Variants in RGS6 observed in about 807,000 individuals in gnomAD.
RGS6 encodes regulator of G-protein signaling 6.
RGS6 carries 30 observed loss-of-function variants against 78.5 expected under a neutral mutation model. That is an observed-to-expected ratio of 0.38 (90% confidence interval 0.29 to 0.52). The LOEUF is 0.52. Among genes scored for constraint, RGS6 ranks in the 20% least tolerant of loss-of-function variants. The probability of loss-of-function intolerance (pLI) is 0.85; values close to 1 mark genes in which losing one functional copy is unlikely to be tolerated. For missense variants in RGS6, 495 were observed against 609.7 expected, an observed-to-expected ratio of 0.81 and a Z score of 1.98; for synonymous variants, 206 against 206.0, an observed-to-expected ratio of 1.00 and a Z score of 0.00.
intron 2 of RGS6, among the ~76,000 whole-genome samples, chr14:72,225,163 T>G (rs935591970): frequency 6.6e-6 from 1 of 152,326 alleles, no homozygotes; most frequent in East Asian, 1.9e-4. Flanking sequence ...TGGGTCGGGC[T>G]TAGCCTTTAT....
At chr14:72,397,912 T>C (rs1267030892) in intron 3 of RGS6, among the ~76,000 whole-genome samples, 1 of 152,242 alleles carries the variant, frequency 6.6e-6, no homozygotes, top group Admixed American at 6.5e-5. Context: ...CACTTGATTA[T>C]GGTGGATAAG....
intron 8 of RGS6, among the ~76,000 whole-genome samples, chr14:72,472,172 G>GAA (rs5809575): frequency 0.06 from 8,539 of 141,396 alleles, 795 homozygotes; most frequent in African/African-American, 0.21. Flanking sequence ...GCTTTTTTAA[G>GAA]AAAAAAAAAA....
At chr14:72,277,512 G>A (rs10132306) in intron 2 of RGS6, among the ~76,000 whole-genome samples, 1 of 152,012 alleles carries the variant, frequency 6.6e-6, no homozygotes, top group Admixed American at 6.6e-5. Flanking sequence ...CAGAAGAATT[G>A]CTTGAACTAG....
At chr14:72,052,925 T>TTTTTTTTCTTTC (rs2093340839) in intron 2 of RGS6, among the ~76,000 whole-genome samples, 1 of 120,330 alleles carries the variant, frequency 8.3e-6, no homozygotes. Context: ...TTCATTGTAT[T>TTTTTTTTCTTTC]TTTCTTTCTT....
chr14:72,126,242 G>A (rs2153580209), intron 2 of RGS6, among the ~76,000 whole-genome samples: 1 of 152,346 alleles, frequency 6.6e-6, no homozygotes, highest in Non-Finnish European at 1.5e-5. Flanking sequence ...AAATCTGCGG[G>A]AAGTTTGCCA....
At chr14:72,374,548 T>A (rs965485026) in intron 3 of RGS6, among the ~76,000 whole-genome samples, 6 of 152,204 alleles carry the variant, frequency 3.9e-5, no homozygotes, top group Admixed American at 6.5e-5. Context: ...TCTATTTCAG[T>A]ACTGCCCCCA....
chr14:72,418,793 A>G (rs2093994641), intron 3 of RGS6, among the ~76,000 whole-genome samples: 1 of 152,230 alleles, frequency 6.6e-6, no homozygotes. Flanking sequence ...GAGAGGATGC[A>G]TGTCACAAGT....
At chr14:72,001,627 T>C (rs1406416365) in intron 2 of RGS6, among the ~76,000 whole-genome samples, 1 of 152,138 alleles carries the variant, frequency 6.6e-6, no homozygotes, top group Non-Finnish European at 1.5e-5. Flanking sequence ...TATTCTCTTA[T>C]TTTCTTTTAC....
At chr14:71,946,235 A>T (rs150797086) in intron 1 of RGS6, among the ~76,000 whole-genome samples, 40 of 152,138 alleles carry the variant, frequency 2.6e-4, no homozygotes, top group Non-Finnish European at 5.6e-4. Context: ...AAGTAGCTGA[A>T]CTCTCTTGAT....
chr14:72,400,494 A>G (rs1375207913), intron 3 of RGS6, among the ~76,000 whole-genome samples: 2 of 152,314 alleles, frequency 1.3e-5, no homozygotes, highest in South Asian at 2.1e-4. Context: ...TGTGTAAGGC[A>G]CCTTCAAGGT....
intron 2 of RGS6, among the ~76,000 whole-genome samples, chr14:72,330,064 A>G (rs2074655231): frequency 6.6e-6 from 1 of 152,222 alleles, no homozygotes; most frequent in Non-Finnish European, 1.5e-5. Context: ...TTCACAGTCA[A>G]CGTTAGTGAG....
intron 2 of RGS6, among the ~76,000 whole-genome samples, chr14:72,192,755 C>A (rs932772083): frequency 6.6e-6 from 1 of 152,132 alleles, no homozygotes; most frequent in African/African-American, 2.4e-5. Flanking sequence ...TTCTTTCTTT[C>A]GTTCACTGTC....
intron 3 of RGS6, among the ~76,000 whole-genome samples, chr14:72,374,960 T>C (rs148534997): frequency 1.5e-4 from 23 of 152,230 alleles, no homozygotes; most frequent in African/African-American, 5.5e-4. Flanking sequence ...AAAAATATAA[T>C]TGAAATTAGA....
the RGS6 span, among the ~76,000 whole-genome samples, chr14:71,899,677 G>C: frequency 6.6e-6 from 1 of 152,184 alleles, no homozygotes; most frequent in African/African-American, 2.4e-5. Context: ...GGTAACTTGA[G>C]ACTTACTAAG....
At chr14:72,032,961 A>C (rs2153347129) in intron 2 of RGS6, among the ~76,000 whole-genome samples, 1 of 152,258 alleles carries the variant, frequency 6.6e-6, no homozygotes, top group East Asian at 1.9e-4. Flanking sequence ...ATTCTTTTGA[A>C]TATACAGATG....
At chr14:72,459,116 T>C (rs1175035934) in intron 5 of RGS6, among the ~76,000 whole-genome samples, 2 of 152,212 alleles carry the variant, frequency 1.3e-5, no homozygotes, top group South Asian at 2.1e-4. Flanking sequence ...CCTTGATCTT[T>C]CTACTGTCTC....
intron 2 of RGS6, among the ~76,000 whole-genome samples, chr14:72,350,188 G>A (rs1252213731): frequency 6.6e-6 from 1 of 152,160 alleles, no homozygotes; most frequent in Admixed American, 6.5e-5. Flanking sequence ...CTCCTGAAGG[G>A]CTGGGAGCTT....
intron 2 of RGS6, among the ~76,000 whole-genome samples, chr14:72,295,434 G>A (rs921300286): frequency 4.6e-5 from 7 of 152,240 alleles, no homozygotes; most frequent in East Asian, 3.9e-4. Flanking sequence ...CCCCAGATCC[G>A]GCTGGCCCAG....
At chr14:71,909,333 A>G in the RGS6 span, among the ~76,000 whole-genome samples, 1 of 152,174 alleles carries the variant, frequency 6.6e-6, no homozygotes, top group African/African-American at 2.4e-5. Flanking sequence ...TGGGGTCTGT[A>G]TCGGGACCCT....
Sources: allele counts gnomAD v4.1 joint callset (sites outside exome capture counted in the v4.1 genomes callset), GRCh38; gene constraint gnomAD v4.1.1; transcripts MANE v1.5; gene names NCBI Gene and HGNC (gene_info 2026-07-23, HGNC 2026-07-21).